Variants in JMJD1C observed in about 807,000 individuals in gnomAD.
JMJD1C encodes jumonji domain containing 1C.
Under a neutral mutation model 245.3 loss-of-function variants are expected in JMJD1C, and 31 were observed. That is an observed-to-expected ratio of 0.13 (90% CI 0.09 to 0.17). The LOEUF is 0.17. Ranked by LOEUF, JMJD1C falls within the 10% of genes least tolerant of loss-of-function variation. The pLI, the probability that JMJD1C is intolerant of heterozygous loss-of-function variation, is 1.00. For missense variants in JMJD1C, 2,691 were observed against 3,000.2 expected (o/e 0.90, Z 2.41); for synonymous variants, 1,057 against 1,017.4 (o/e 1.04, Z -0.74).
Position 63,214,572 on chromosome 10 carries a change from T to C in JMJD1C, c.1595A>G (p.Gln532Arg), listed in dbSNP as rs1336025281. 2 of 1,613,948 alleles carry C rather than the reference T, an allele frequency of 1.2e-6. No homozygotes were observed. Among genetic ancestry groups the C allele is most frequent in the South Asian group, 2.2e-5 (2 of 91,074 alleles). ...AQENSSTFGL[Q>R]TLQKMDPNVS... ...ATTAGGATCCATTTTCTGAAGTGTC[T>C]GAAGGCCAAAGGTACTTGAGTTTTC... is the stretch of plus-strand genomic sequence containing the variant. Residue 532 changes from glutamine to arginine, a missense_variant, in exon 8 of 26, where the codon CAG becomes CGG. Physicochemically the swap from Gln to Arg is conservative, Grantham distance 43. Around this residue, in one of 9 missense-constraint regions of JMJD1C, gnomAD observed 1,562 missense variants for 1,490.7 expected, o/e 1.05. Coordinates refer to ENST00000399262, the MANE Select transcript of JMJD1C (RefSeq NM_032776.3).
At chr10:63,402,688 A>C (rs1284849054) in intron 1 of JMJD1C, among the ~76,000 whole-genome samples, 1 of 152,196 alleles carries the variant, frequency 6.6e-6, no homozygotes, top group East Asian at 1.9e-4. Context: ...TATAATAAAC[A>C]TACTAGAAAT....
intron 2 of JMJD1C, among the ~76,000 whole-genome samples, chr10:63,337,595 AAAG>A (rs1271865344): frequency 8.9e-6 from 1 of 112,340 alleles, no homozygotes; most frequent in African/African-American, 5.6e-5. Flanking sequence ...AAAGAAAAGA[AAAG>A]AAAAGAAAAG....
At chr10:63,448,319 G>C (rs1303013267) in intron 1 of JMJD1C, among the ~76,000 whole-genome samples, 1 of 151,990 alleles carries the variant, frequency 6.6e-6, no homozygotes, top group African/African-American at 2.4e-5. Flanking sequence ...ACCATGCCCA[G>C]CTCATTTTTG....
intron 3 of JMJD1C, chr10:63,222,461 A>T (rs1385764820): frequency 3.1e-6 from 3 of 972,456 alleles, no homozygotes; most frequent in Non-Finnish European, 5.0e-6. Flanking sequence ...TGATGAAAAC[A>T]ATAAAGGGAA....
intron 1 of JMJD1C, among the ~76,000 whole-genome samples, chr10:63,520,082 A>T (rs1955160741): frequency 6.6e-6 from 1 of 152,242 alleles, no homozygotes; most frequent in African/African-American, 2.4e-5. Context: ...CTAACCCAAG[A>T]GTAGAAAGTA....
At chr10:63,468,247 G>A (rs1391259416), upstream of JMJD1C, among the ~76,000 whole-genome samples, 1 of 152,072 alleles carries the variant, frequency 6.6e-6, no homozygotes, top group Non-Finnish European at 1.5e-5. Context: ...CTAATCCCTT[G>A]ACTACAGCCA....
At chr10:63,198,343 C>A (rs1158947462) in intron 12 of JMJD1C, among the ~76,000 whole-genome samples, 170 bp downstream of exon 12, 6 of 152,216 alleles carry the variant, frequency 3.9e-5, no homozygotes, top group Non-Finnish European at 7.4e-5. Flanking sequence ...ACTCAATTCA[C>A]CCTCTATAGG....
At chr10:63,464,574 C>G (rs1327507438) in intron 1 of JMJD1C, among the ~76,000 whole-genome samples, 1 of 152,122 alleles carries the variant, frequency 6.6e-6, no homozygotes, top group Admixed American at 6.5e-5. Context: ...TACTCCGCCC[C>G]TTACCTTCAA....
At chr10:63,240,262 C>G (rs1261874003) in intron 3 of JMJD1C, among the ~76,000 whole-genome samples, 1 of 151,652 alleles carries the variant, frequency 6.6e-6, no homozygotes, top group Non-Finnish European at 1.5e-5. Context: ...AGGAACACTA[C>G]AGAAAATAAG....
At chr10:63,490,803 T>G (rs1008976633) in intron 1 of JMJD1C, among the ~76,000 whole-genome samples, 1 of 152,318 alleles carries the variant, frequency 6.6e-6, no homozygotes, top group Admixed American at 6.5e-5. Flanking sequence ...GGGCAGGAAC[T>G]TTGTTTTGTT....
intron 3 of JMJD1C, among the ~76,000 whole-genome samples, chr10:63,234,882 A>T (rs1850536372): frequency 6.6e-6 from 1 of 152,170 alleles, no homozygotes. Flanking sequence ...TAGTCATAAA[A>T]ATAAAAATTT....
intron 3 of JMJD1C, among the ~76,000 whole-genome samples, chr10:63,233,413 T>TC (rs1850256252): frequency 6.6e-6 from 1 of 152,094 alleles, no homozygotes; most frequent in African/African-American, 2.4e-5. Flanking sequence ...AAAAAAAATT[T>TC]TAAACTTCAT....
In JMJD1C at chr10:63,221,530, T is replaced by A. The variant is rs549351154; in HGVS notation, c.448-1547A>T. 7.5e-4 allele frequency among the ~76,000 whole-genome samples: 114 copies of A among 152,184 alleles called. 2 individuals carry two copies. In the South Asian group the frequency reaches 0.017, roughly 22 times the overall value. ...CTGTCATACAAATAAGTAGGCAAAA[T>A]CTGTCATTTTGGGAGAAAGAAATGG... On this transcript the variant is annotated intron_variant, in intron 3 of 25. Transcript: ENST00000399262.
intron 1 of JMJD1C, among the ~76,000 whole-genome samples, chr10:63,459,594 G>A (rs759946776): frequency 6.6e-6 from 1 of 151,952 alleles, no homozygotes; most frequent in South Asian, 2.1e-4. Flanking sequence ...GGATACACCT[G>A]GACACATAAA....
chr10:63,441,619 C>T (rs183006933), intron 1 of JMJD1C, among the ~76,000 whole-genome samples: 50 of 152,166 alleles, frequency 3.3e-4, no homozygotes, highest in Non-Finnish European at 2.8e-4. Flanking sequence ...CTTTACTTAA[C>T]GCCCTCTTCT....
intron 2 of JMJD1C, among the ~76,000 whole-genome samples, chr10:63,313,377 T>G (rs939837745): frequency 2.0e-5 from 3 of 152,212 alleles, no homozygotes; most frequent in Non-Finnish European, 4.4e-5. Context: ...CATATTTTTG[T>G]AATTCTAAAT....
intron 1 of JMJD1C, among the ~76,000 whole-genome samples, chr10:63,450,583 A>G (rs970682877): frequency 1.3e-5 from 2 of 152,218 alleles, no homozygotes; most frequent in African/African-American, 4.8e-5. Context: ...AAATTTTATG[A>G]TCATCTCAAT....
Position 63,480,630 on chromosome 10 carries a change from TAA to T in JMJD1C, n.113+41106_113+41107del, listed in dbSNP as rs35372705. 2.3e-3 allele frequency among the ~76,000 whole-genome samples: 336 copies of T among 144,152 alleles called. 1 individual carries two copies. Among genetic ancestry groups the T allele is most frequent in the Middle Eastern group, 3.6e-3 (1 of 276 alleles). 94.6% of individuals were successfully genotyped at this position (144,152 alleles called of 152,430 possible). On this transcript the variant is annotated intron_variant and non_coding_transcript_variant, in intron 1 of 3. Transcript: ENST00000633035. ...TATTGACAATTTAAAAGTACTATTG[TAA>T]AAAAAAAAAAAAAACTATTATTCAT...
chr10:63,326,189 A>G (rs1477216613), intron 2 of JMJD1C, among the ~76,000 whole-genome samples: 1 of 152,106 alleles, frequency 6.6e-6, no homozygotes, highest in Non-Finnish European at 1.5e-5. Flanking sequence ...ACACAGTGAA[A>G]GCCGTGTTTA....
Sources: gnomAD v4.1 joint callset for allele counts (sites outside exome capture counted in the v4.1 genomes callset) on GRCh38, gnomAD v4.1.1 for gene constraint, gnomAD v4.1.1 regional missense constraint, MANE v1.5 for transcripts, NCBI Gene and HGNC (gene_info 2026-07-23, HGNC 2026-07-21) for gene names.